The following CRTAC1 variants were observed in gnomAD, a reference collection of about 807,000 sequenced individuals.
CRTAC1 encodes cartilage acidic protein 1.
In CRTAC1, 37 loss-of-function variants were observed where a neutral mutation model predicts 67.8. The observed-to-expected ratio is 0.55, with a 90% confidence interval of 0.42 to 0.72. The LOEUF (loss-of-function observed/expected upper bound fraction) is 0.72. CRTAC1 is among the 30% of genes least tolerant of loss of function. The pLI, the probability that CRTAC1 is intolerant of heterozygous loss-of-function variation, is 0.00. For synonymous variants in CRTAC1, 348 were observed against 371.0 expected (o/e 0.94, Z 0.71); for missense variants, 780 against 931.6 (o/e 0.84, Z 2.12).
At chr10:98,011,410 G>A (rs1275867020) in intron 1 of CRTAC1, 73 bp from the exon 2 acceptor site, 1 of 1,582,720 alleles carries the variant, frequency 6.3e-7, no homozygotes, top group Non-Finnish European at 8.6e-7. Context: ...AAAGTCCTGG[G>A]TAGGCCCAGA....
chr10:98,026,867 G>A (rs1164054028), intron 1 of CRTAC1, among the ~76,000 whole-genome samples: 1 of 152,204 alleles, frequency 6.6e-6, no homozygotes, highest in East Asian at 1.9e-4. Flanking sequence ...AGTGTGCAAA[G>A]AAGCCAGGTG....
At chr10:97,922,851 C>T (rs541044173) in intron 4 of CRTAC1, among the ~76,000 whole-genome samples, 46 of 152,322 alleles carry the variant, frequency 3.0e-4, no homozygotes, top group Middle Eastern at 6.8e-3. Context: ...AAGGGCCCCA[C>T]GGCTCAGTGC....
intron 8 of CRTAC1, among the ~76,000 whole-genome samples, chr10:97,898,429 C>T (rs374151115): frequency 6.6e-6 from 1 of 152,158 alleles, no homozygotes; most frequent in Admixed American, 6.5e-5. Context: ...ACATGTCGCT[C>T]AGATGAAGAG....
intron 3 of CRTAC1, among the ~76,000 whole-genome samples, chr10:97,930,284 G>A (rs898510292): frequency 6.6e-6 from 1 of 152,226 alleles, no homozygotes; most frequent in Non-Finnish European, 1.5e-5. Flanking sequence ...TCCTTGTTAG[G>A]ACCATGGGGA....
At chr10:97,952,148 C>G (rs2051365355) in intron 2 of CRTAC1, among the ~76,000 whole-genome samples, 1 of 151,988 alleles carries the variant, frequency 6.6e-6, no homozygotes. Flanking sequence ...GTCAGGAGAT[C>G]AAGACCAGCC....
intron 1 of CRTAC1, among the ~76,000 whole-genome samples, chr10:98,013,525 A>C (rs1471694087): frequency 2.0e-5 from 3 of 152,236 alleles, no homozygotes; most frequent in African/African-American, 7.2e-5. Flanking sequence ...CAAGATGAGA[A>C]AGAAATAATG....
intron 2 of CRTAC1, among the ~76,000 whole-genome samples, chr10:97,995,507 C>A (rs1842547338): frequency 6.6e-6 from 1 of 152,156 alleles, no homozygotes; most frequent in Non-Finnish European, 1.5e-5. Context: ...TTTCCTAAGT[C>A]TATTTTTCTG....
chr10:97,941,330 C>T (rs991652764), intron 2 of CRTAC1, among the ~76,000 whole-genome samples: 31 of 152,140 alleles, frequency 2.0e-4, no homozygotes, highest in Non-Finnish European at 4.1e-4. Context: ...CCTCTCCCTT[C>T]CCTTTTAATG....
At chr10:97,876,945 GTTTTTTTTTTTTTT>G (rs71007368) in intron 14 of CRTAC1, among the ~76,000 whole-genome samples, 3 of 53,406 alleles carry the variant, frequency 5.6e-5, no homozygotes, top group Non-Finnish European at 9.3e-5. Flanking sequence ...AGGAGGCTCT[GTTTTTTTTTTTTTT>G]TTTTTTTTTT....
intron 1 of CRTAC1, among the ~76,000 whole-genome samples, chr10:98,024,613 C>G (rs958319560): frequency 1.3e-5 from 2 of 152,052 alleles, no homozygotes; most frequent in African/African-American, 4.8e-5. Context: ...TGGAATTTTT[C>G]CAAGAAGTAA....
At chr10:97,962,841 C>T (rs1287896171) in intron 2 of CRTAC1, among the ~76,000 whole-genome samples, 2 of 151,392 alleles carry the variant, frequency 1.3e-5, no homozygotes, top group South Asian at 2.1e-4. Flanking sequence ...CCGCGCATCT[C>T]GGTGGCATCA....
At chr10:98,017,276 C>T (rs1007540884) in intron 1 of CRTAC1, among the ~76,000 whole-genome samples, 8 of 152,100 alleles carry the variant, frequency 5.3e-5, no homozygotes, top group Non-Finnish European at 7.4e-5. Context: ...CAACAATCAG[C>T]GGAGCAGCCA....
chr10:97,923,372 G>A lies in CRTAC1; in HGVS notation c.450C>T (p.Phe150=), dbSNP rs760752761. ...CTTCCCACCGGTTATTGCGGAACTT[G>A]AACAACTTGTCGGTGTACGTGGCCA... ...SGVATYTDKL[F]KFRNNRWEDI... The change falls in exon 4 of 15, where the codon TTC becomes TTT. Residue 150 remains phenylalanine, a synonymous_variant. Transcript: ENST00000370597. The A allele has an allele frequency of 1.9e-6, 3 of 1,614,156 alleles. No individual in the cohort carries two copies. Among genetic ancestry groups the A allele is most frequent in the Non-Finnish European group, 2.5e-6 (3 of 1,180,026 alleles).
intron 8 of CRTAC1, among the ~76,000 whole-genome samples, chr10:97,898,302 T>A (rs2050489013): frequency 6.6e-6 from 1 of 152,186 alleles, no homozygotes; most frequent in Non-Finnish European, 1.5e-5. Flanking sequence ...GCTGAAGGCC[T>A]AGGGAGAGTG....
intron 2 of CRTAC1, among the ~76,000 whole-genome samples, chr10:97,963,579 T>G (rs2051562277): frequency 6.6e-6 from 1 of 152,162 alleles, no homozygotes; most frequent in Non-Finnish European, 1.5e-5. Context: ...CAATAAATGT[T>G]TATTGACTGA....
At chr10:98,019,772 A>T (rs1193643691) in intron 1 of CRTAC1, among the ~76,000 whole-genome samples, 1 of 152,158 alleles carries the variant, frequency 6.6e-6, no homozygotes, top group Non-Finnish European at 1.5e-5. Flanking sequence ...GGGCAGGGAT[A>T]AGGTGTCAGC....
At chr10:97,873,710 A>G (rs1386338729) in intron 14 of CRTAC1, among the ~76,000 whole-genome samples, 2 of 152,134 alleles carry the variant, frequency 1.3e-5, no homozygotes, top group African/African-American at 4.8e-5. Context: ...AGAACCAGCT[A>G]GCTTTAGGGG....
At position 97,896,967 on chromosome 10, in the gene CRTAC1, G is replaced by C. The variant is rs748979109; in HGVS notation, c.1158C>G (p.Asp386Glu). ...CGGGATTGAGCTCCTCGATGAGGGGGTCTCCGTGCTCTCTACGGATGACGC... is the reference window on the plus strand; with the variant it reads ...CGGGATTGAGCTCCTCGATGAGGGGCTCTCCGTGCTCTCTACGGATGACGC... Reference protein sequence around the residue: ...LFRVIRREHGDPLIEELNPGD... With the variant: ...LFRVIRREHGEPLIEELNPGD... Residue 386 changes from aspartate to glutamate, a missense_variant, in exon 9 of 15, where the codon GAC (aspartate) becomes GAG (glutamate). By Grantham distance (45) the Asp-to-Glu change is conservative. Transcript: ENST00000370597. 1 of 1,560,132 alleles carries C rather than the reference G, an allele frequency of 6.4e-7. No homozygotes were observed. The highest frequency in any genetic ancestry group is 8.7e-7 in the Non-Finnish European group (1 of 1,151,272).
rs375309359 is a variant in CRTAC1, at chr10:97,892,832, CA to C, written c.1486+2412del. On this transcript the variant is annotated intron_variant, in intron 11 of 14. Transcript: ENST00000370597. ...CACTCCAACCTCAGGCTGACTTATC[CA>C]GGGTGAAATAGCCCAAGAAAATGAT... is the stretch of plus-strand genomic sequence containing the variant. 2.9e-4 allele frequency among the ~76,000 whole-genome samples: 44 copies of C among 152,278 alleles called. No homozygotes were observed. The East Asian group carries it at 6.5e-3, about 23-fold the overall frequency.
Sources: gnomAD v4.1 joint callset for allele counts (sites outside exome capture counted in the v4.1 genomes callset) on GRCh38, gnomAD v4.1.1 for gene constraint, MANE v1.5 for transcripts, NCBI Gene and HGNC (gene_info 2026-07-23, HGNC 2026-07-21) for gene names.